OR14A16: variants seen among roughly 807,000 people sequenced by gnomAD.
OR14A16 encodes the protein olfactory receptor 14A16.
For synonymous variants in OR14A16, 135 were observed against 137.6 expected, an observed-to-expected ratio of 0.98 and a Z score of 0.13; for missense variants, 341 against 366.5, an observed-to-expected ratio of 0.93 and a Z score of 0.57.
rs528132785 is a variant in OR14A16 at position 247,821,560 on chromosome 1, T to C, written c.-130-2383A>G. Among the ~76,000 whole-genome samples the C allele has an allele frequency of 5.0e-4, 74 of 147,792 alleles. 7 individuals are homozygous for C. In the South Asian group the frequency reaches 0.015, roughly 31 times the overall value. On this transcript the variant is annotated intron_variant, in intron 1 of 2. Transcript: ENST00000641093. ...GTTTTGACTTAAAGTCTATCTTATG[T>C]AAGTATAGCTACCTCTGCTCTGTTT...
intron 1 of OR14A16, among the ~76,000 whole-genome samples, chr1:247,820,866 A>C (rs948157900): frequency 5.3e-5 from 8 of 151,776 alleles, no homozygotes; most frequent in African/African-American, 1.9e-4. Context: ...GTCTCAAAAA[A>C]AAAAAAAAAA....
rs1256781990 is a variant in OR14A16, at chr1:247,814,952, C to G, written c.778G>C (p.Ala260Pro). ...STGFIAYLKP[A>P]SESPSILDAV... is the part of the protein sequence containing the mutation. Reference sequence around the variant, plus strand: ...TCCAAAATAGAAGGAGACTCTGAAGCTGGCTTCAGATAAGCAATGAATCCA... The same window carrying G: ...TCCAAAATAGAAGGAGACTCTGAAGGTGGCTTCAGATAAGCAATGAATCCA... Residue 260 changes from alanine (A) to proline (P), a missense_variant, in exon 3 of 3, where the codon GCT (alanine) becomes CCT (proline). Ala to Pro is a conservative substitution (Grantham distance 27). Transcript: ENST00000641093. 6.2e-7 allele frequency: 1 copy of G among 1,613,938 alleles called. No individual in the cohort carries two copies. The highest frequency in any genetic ancestry group is 2.2e-5 in the East Asian group (1 of 44,816).
At position 247,815,580 on chromosome 1, in the gene OR14A16, G is replaced by T. The variant is rs1662601103; in HGVS notation, c.150C>A (p.Asp50Glu). 6.2e-7 allele frequency: 1 copy of T among 1,613,872 alleles called. No individual in the cohort carries two copies. Among genetic ancestry groups the T allele is most frequent in the African/African-American group, 1.3e-5 (1 of 74,892 alleles). The change falls in exon 3 of 3, where the codon GAC (aspartate) becomes GAA (glutamate). Residue 50 changes from aspartate (D) to glutamate (E), a missense_variant. Physicochemically the swap from Asp to Glu is conservative, Grantham distance 45 (BLOSUM62 2). Coordinates refer to ENST00000641093, the MANE Select transcript of OR14A16 (RefSeq NM_001001966.2). ...AATACACGGGGGTGTGGAGATGATGGTCCAAAGTTGTGATCATGATAATGA... is the reference window on the plus strand; with the variant it reads ...AATACACGGGGGTGTGGAGATGATGTTCCAAAGTTGTGATCATGATAATGA... The part of the protein sequence containing the change: ...NVLIIMITTL[D>E]HHLHTPVYFF...
In OR14A16 at chr1:247,815,093, T is replaced by C; in HGVS notation, c.637A>G (p.Ile213Val). 6.2e-7 allele frequency: 1 copy of C among 1,614,010 alleles called. No homozygotes were observed. The highest frequency in any genetic ancestry group is 8.5e-7 in the Non-Finnish European group (1 of 1,179,904). ...VLDFCCFIVIIITYVHVFSTV... is the reference protein window; with the variant it reads ...VLDFCCFIVIVITYVHVFSTV... ...GAGAAGACGTGGACATAGGTAATGA[T>C]GATGACAATAAAACAGCAGAAATCC... Residue 213 changes from isoleucine to valine, a missense_variant, in exon 3 of 3, where the codon ATC becomes GTC. Transcript: ENST00000641093.
chr1:247,815,122 A>C lies in OR14A16; in HGVS notation c.608T>G (p.Val203Gly). Residue 203 changes from valine (V) to glycine (G), a missense_variant, in exon 3 of 3, where the codon GTT becomes GGT. Coordinates refer to ENST00000641093, the MANE Select transcript of OR14A16 (RefSeq NM_001001966.2). Reference sequence around the variant, plus strand: ...GACAATAAAACAGCAGAAATCCAAAACTACATTAATAAGGATGAGTGCAAT... The same window carrying C: ...GACAATAAAACAGCAGAAATCCAAACCTACATTAATAAGGATGAGTGCAAT... ...REIALILINV[V>G]LDFCCFIVII... The C allele has an allele frequency of 6.2e-7, 1 of 1,613,368 alleles. No homozygotes were observed. The highest frequency in any genetic ancestry group is 8.5e-7 in the Non-Finnish European group (1 of 1,179,328).
chr1:247,822,442 C>T (rs1293878917), intron 1 of OR14A16, among the ~76,000 whole-genome samples: 1 of 151,890 alleles, frequency 6.6e-6, no homozygotes, highest in African/African-American at 2.4e-5. Context: ...AGACATCAGA[C>T]TCCAGATTCT....
rs1252061086 is a variant in OR14A16, at chr1:247,815,522, A to G, written c.208T>C (p.Cys70Arg). The G allele has an allele frequency of 1.2e-6, 2 of 1,614,054 alleles. No homozygotes were observed. The highest frequency in any genetic ancestry group is 4.5e-5 in the East Asian group (2 of 44,886). Residue 70 changes from cysteine (C) to arginine (R), a missense_variant, in exon 3 of 3, where the codon TGC becomes CGC. By Grantham distance (180) the Cys-to-Arg change is radical. Transcript: ENST00000641093. ...TTGGGAGCCGTGACTGAAATAAGGCAGAGATCCAAGAAAGATAGATTCTTC... is the reference window on the plus strand; with the variant it reads ...TTGGGAGCCGTGACTGAAATAAGGCGGAGATCCAAGAAAGATAGATTCTTC... ...FLKNLSFLDL[C>R]LISVTAPKSI...
At chr1:247,818,738 A>G (rs543308147) in intron 2 of OR14A16, among the ~76,000 whole-genome samples, 20 of 152,204 alleles carry the variant, frequency 1.3e-4, no homozygotes, top group Non-Finnish European at 2.2e-4. Flanking sequence ...GGAAAGTAGC[A>G]ATAGTTAATG....
At position 247,815,618 on chromosome 1, in the gene OR14A16, T is replaced by C. The variant is rs1376523302; in HGVS notation, c.112A>G (p.Met38Val). Reference sequence around the variant, plus strand: ...ATCATGATAATGAGGACATTCCCCATCAGGGCACACAAATAAATCAACAAG... The same window carrying C: ...ATCATGATAATGAGGACATTCCCCACCAGGGCACACAAATAAATCAACAAG... ...LFLLIYLCAL[M>V]GNVLIIMITT... The change falls in exon 3 of 3, where the codon ATG becomes GTG. Residue 38 changes from methionine (M) to valine (V), a missense_variant. Physicochemically the swap from Met to Val is conservative, Grantham distance 21 (BLOSUM62 1). Coordinates refer to ENST00000641093, the MANE Select transcript of OR14A16 (RefSeq NM_001001966.2). The C allele has an allele frequency of 6.2e-7, 1 of 1,612,468 alleles. No homozygotes were observed. The highest frequency in any genetic ancestry group is 1.1e-5 in the South Asian group (1 of 91,056).
chr1:247,815,824 T>G (rs1405495064), intron 2 of OR14A16, 80 bp from the exon 3 acceptor site: 2 of 603,900 alleles, frequency 3.3e-6, no homozygotes, highest in African/African-American at 3.7e-5. Context: ...CATATATTAT[T>G]TAGCATACTG....
intron 2 of OR14A16, among the ~76,000 whole-genome samples, chr1:247,817,882 C>T (rs1219019185): frequency 1.3e-5 from 2 of 151,916 alleles, no homozygotes; most frequent in Admixed American, 1.3e-4. Flanking sequence ...AACGAAGATA[C>T]TATAATGTGC....
rs933249869 is a variant in OR14A16 at position 247,821,333 on chromosome 1, C to G, written c.-130-2156G>C. ...TTGTTGATTGACTGCTGGATGATTA[C>G]TAATACATCAGTTCATAGTTGAATG... On this transcript the variant is annotated intron_variant, in intron 1 of 2. Transcript: ENST00000641093. Among the ~76,000 whole-genome samples the G allele has an allele frequency of 4.6e-4, 70 of 152,314 alleles. 1 individual carries two copies. The highest frequency in any genetic ancestry group is 7.3e-5 in the Non-Finnish European group (5 of 68,034).
chr1:247,816,773 G>A (rs1033924897), intron 2 of OR14A16, among the ~76,000 whole-genome samples: 1 of 152,118 alleles, frequency 6.6e-6, no homozygotes, highest in Non-Finnish European at 1.5e-5. Flanking sequence ...TATATTAACT[G>A]AATTACTCAC....
rs147527565 is a variant in OR14A16 at position 247,815,372 on chromosome 1, G to T, written c.358C>A (p.Arg120Ser). 3 of 1,613,746 alleles carry T rather than the reference G, an allele frequency of 1.9e-6. No individual in the cohort carries two copies. The highest frequency in any genetic ancestry group is 1.7e-6 in the Non-Finnish European group (2 of 1,179,964). The change falls in exon 3 of 3, where the codon CGC becomes AGC. Residue 120 changes from arginine (R) to serine (S), a missense_variant. Coordinates refer to ENST00000641093, the MANE Select transcript of OR14A16 (RefSeq NM_001001966.2). ...LLLLTVMSFD[R>S]YTAICHPLHY... ...AGAGGGTGACATATAGCAGTATAGC[G>T]GTCAAAGGACATCACCGTGAGGAGG...
At position 247,824,066 on chromosome 1, in the gene OR14A16, T is replaced by C. The variant is rs546320158; in HGVS notation, c.-244A>G. 1.1e-3 allele frequency: 173 copies of C among 152,150 alleles called. No individual in the cohort carries two copies. Among genetic ancestry groups the C allele is most frequent in the African/African-American group, 3.9e-3 (163 of 41,502 alleles). The allele number at this position is 152,150 out of a possible 1,614,324, so 9.4% of individuals were successfully genotyped here. ...CAGGAGTTCAGGAGCAGAGGTTTAA[T>C]AGGCAAAGGAAAGAGAAAAGAAAAT... On this transcript the variant is annotated 5_prime_UTR_variant, in exon 1 of 3. Transcript: ENST00000641093.
At position 247,815,268 on chromosome 1, in the gene OR14A16, A is replaced by G; in HGVS notation, c.462T>C (p.Ala154=). 1 of 1,614,072 alleles carries G rather than the reference A, an allele frequency of 6.2e-7. No homozygotes were observed. Among genetic ancestry groups the G allele is most frequent in the Admixed American group, 1.7e-5 (1 of 60,020 alleles). ...AGAAGGTGCCAGCTGTGTGCATCAC[A>G]GCAATCAGACCCCCATACAGCCAAG... ...TVSWLYGGLI[A]VMHTAGTFSL... is the part of the protein sequence containing the mutation. The change falls in exon 3 of 3, where the codon GCT becomes GCC. Residue 154 remains alanine, a synonymous_variant. Transcript: ENST00000641093.
chr1:247,815,011 A>C lies in OR14A16; in HGVS notation c.719T>G (p.Leu240Arg). 6.2e-7 allele frequency: 1 copy of C among 1,613,974 alleles called. No individual in the cohort carries two copies. Among genetic ancestry groups the C allele is most frequent in the Non-Finnish European group, 8.5e-7 (1 of 1,179,898 alleles). ...EGQSKAYSICLPHLLVVLFLS... is the reference protein window; with the variant it reads ...EGQSKAYSICRPHLLVVLFLS... Reference sequence around the variant, plus strand: ...AAATAACACAACCAGCAAGTGTGGAAGGCAAATAGAGTAGGCTTTTGACTG... The same window carrying C: ...AAATAACACAACCAGCAAGTGTGGACGGCAAATAGAGTAGGCTTTTGACTG... Residue 240 changes from leucine (L) to arginine (R), a missense_variant, in exon 3 of 3, where the codon CTT (leucine) becomes CGT (arginine). Leu to Arg is a moderately radical substitution (Grantham distance 102, BLOSUM62 -2). Coordinates refer to ENST00000641093, the MANE Select transcript of OR14A16 (RefSeq NM_001001966.2).
rs1662567489 is a variant in OR14A16 at position 247,814,660 on chromosome 1, C to A, written c.*140G>T. 1 of 471,690 alleles carries A rather than the reference C, an allele frequency of 2.1e-6. No individual in the cohort carries two copies. 29.2% of individuals were successfully genotyped at this position (471,690 alleles called of 1,614,324 possible). On this transcript the variant is annotated 3_prime_UTR_variant, in exon 3 of 3. Transcript: ENST00000641093. ...GAATAGAAAAATGTAATTAATTGCCCAAGGAAATTTTCTAATAAAATAATT... is the reference window on the plus strand; with the variant it reads ...GAATAGAAAAATGTAATTAATTGCCAAAGGAAATTTTCTAATAAAATAATT...
intron 2 of OR14A16, among the ~76,000 whole-genome samples, chr1:247,817,230 T>A (rs533317670): frequency 5.3e-5 from 8 of 152,318 alleles, no homozygotes; most frequent in Non-Finnish European, 7.4e-5. Flanking sequence ...CTGTTCTCTC[T>A]CAGGAGTGAT....
Sources: allele counts gnomAD v4.1 joint callset (sites outside exome capture counted in the v4.1 genomes callset), GRCh38; gene constraint gnomAD v4.1.1; transcripts MANE v1.5; gene names NCBI Gene and HGNC (gene_info 2026-07-23, HGNC 2026-07-21).